The following LTBP1 variants were observed in gnomAD, a reference collection of about 807,000 sequenced individuals.
LTBP1 encodes latent-transforming growth factor beta-binding protein 1.
Under a neutral mutation model 207.6 loss-of-function variants are expected in LTBP1, and 129 were observed. The ratio of observed to expected loss-of-function variants is 0.62; its 90% CI spans 0.54 to 0.72. LTBP1 has a LOEUF of 0.72. Ranked by LOEUF, LTBP1 falls within the 30% of genes least tolerant of loss-of-function variation. LTBP1 has a pLI of 0.00. For synonymous variants in LTBP1, 963 were observed against 833.7 expected, an observed-to-expected ratio of 1.16 and a Z score of -2.67; for missense variants, 2,281 against 2,217.2, an observed-to-expected ratio of 1.03 and a Z score of -0.58.
At chr2:33,326,264 C>A (rs943683646) in intron 24 of LTBP1, among the ~76,000 whole-genome samples, 2 of 152,166 alleles carry the variant, frequency 1.3e-5, no homozygotes, top group African/African-American at 4.8e-5. Context: ...CTCTCAACTC[C>A]ACCCCGTTTC....
chr2:33,263,410 A>G lies in LTBP1; in HGVS notation c.2617+18A>G. ...AGTGACAGGTTGGTGCAGTATTTTT[A>G]CATTATATATCACATGGAGGAGACG... On this transcript the variant is annotated intron_variant, in intron 15 of 33. Coordinates refer to ENST00000404816, the MANE Select transcript of LTBP1 (RefSeq NM_206943.4). 6.4e-7 allele frequency: 1 copy of G among 1,573,698 alleles called. No homozygotes were observed.
chr2:33,306,076 G>C (rs775630105), intron 22 of LTBP1, among the ~76,000 whole-genome samples: 1 of 152,058 alleles, frequency 6.6e-6, no homozygotes, highest in Non-Finnish European at 1.5e-5. Context: ...TTGTGCTCTC[G>C]TAATGTTCAA....
At chr2:33,054,058 G>A (rs1242010504) in intron 3 of LTBP1, among the ~76,000 whole-genome samples, 2 of 152,194 alleles carry the variant, frequency 1.3e-5, no homozygotes, top group Non-Finnish European at 2.9e-5. Flanking sequence ...GAGTCAGAGT[G>A]CAGGACAATA....
chr2:33,248,624 C>T (rs1303955146), intron 10 of LTBP1, among the ~76,000 whole-genome samples: 1 of 147,600 alleles, frequency 6.8e-6, no homozygotes, highest in African/African-American at 2.5e-5. Context: ...TCTTGATCTG[C>T]TGCCCAGGCT....
At chr2:33,286,841 A>G in intron 19 of LTBP1, among the ~76,000 whole-genome samples, 1 of 152,190 alleles carries the variant, frequency 6.6e-6, no homozygotes. Context: ...ACAAAAAACC[A>G]AACACCGCAT....
At chr2:33,378,295 G>A (rs1034148051) in intron 31 of LTBP1, among the ~76,000 whole-genome samples, 1 of 151,190 alleles carries the variant, frequency 6.6e-6, no homozygotes, top group Admixed American at 6.6e-5. Context: ...GCACGATCTC[G>A]GCTCACTGAA....
Position 33,103,585 on chromosome 2 carries a change from ACG to A in LTBP1, c.864-6996_864-6995del, listed in dbSNP as rs1491410409. On this transcript the variant is annotated intron_variant, in intron 3 of 33. Coordinates refer to ENST00000404816, the MANE Select transcript of LTBP1 (RefSeq NM_206943.4). ...GGACCATAAATCCTTGTCTCCGTTT[ACG>A]TGTGTGTGTGTGTGTGTGTGTGTGT... Among the ~76,000 whole-genome samples, 206 of 77,276 alleles carry A rather than the reference ACG, an allele frequency of 2.7e-3. 3 individuals are homozygous for A. The South Asian group carries it at 0.06, about 23-fold the overall frequency. The allele number at this position is 77,276 out of a possible 152,430, so 50.7% of individuals were successfully genotyped here. A position where few individuals can be genotyped will look rare whatever the true frequency, so the allele number is the denominator to read the frequency against.
At chr2:32,975,621 T>TTTTTTTTTTTTTTTTTTTTG (rs1558461916) in intron 2 of LTBP1, among the ~76,000 whole-genome samples, 1 of 87,070 alleles carries the variant, frequency 1.1e-5, no homozygotes, top group African/African-American at 4.1e-5. Context: ...TTTTTTTTTT[T>TTTTTTTTTTTTTTTTTTTTG]GTCTGACTGG....
intron 2 of LTBP1, among the ~76,000 whole-genome samples, chr2:32,959,621 A>ATATATATATAT (rs1475834284): frequency 5.5e-5 from 2 of 36,668 alleles, no homozygotes; most frequent in Admixed American, 5.3e-4. Flanking sequence ...ATATATATAT[A>ATATATATATAT]TTTTTTTTTT....
chr2:33,257,595 A>G, intron 12 of LTBP1, 84 bp downstream of exon 12: 1 of 1,125,498 alleles, frequency 8.9e-7, no homozygotes. Context: ...CCTCTAGAAC[A>G]GAGTTTCTCA....
intron 11 of LTBP1, among the ~76,000 whole-genome samples, chr2:33,253,768 G>GT (rs2092748466): frequency 6.6e-6 from 1 of 151,498 alleles, no homozygotes; most frequent in South Asian, 2.1e-4. Context: ...AAAGAACTGT[G>GT]TTAAGGCAAA....
intron 7 of LTBP1, among the ~76,000 whole-genome samples, chr2:33,201,348 A>G (rs890802110): frequency 1.3e-5 from 2 of 152,270 alleles, no homozygotes; most frequent in African/African-American, 2.4e-5. Context: ...GAAATTGGAA[A>G]TCATCATTCT....
At chr2:33,145,973 T>G (rs1200593116) in intron 5 of LTBP1, among the ~76,000 whole-genome samples, 2 of 152,220 alleles carry the variant, frequency 1.3e-5, no homozygotes, top group East Asian at 3.8e-4. Context: ...GTCTATCATA[T>G]TTTGGACCAT....
intron 3 of LTBP1, among the ~76,000 whole-genome samples, chr2:33,085,661 A>T (rs558605342): frequency 6.6e-6 from 1 of 152,128 alleles, no homozygotes; most frequent in Non-Finnish European, 1.5e-5. Flanking sequence ...TGCAACACTG[A>T]GATTTAGAGT....
chr2:33,176,530 C>A (rs1184469978), intron 5 of LTBP1, among the ~76,000 whole-genome samples: 1 of 150,984 alleles, frequency 6.6e-6, no homozygotes, highest in Non-Finnish European at 1.5e-5. Context: ...TGGCTGACAA[C>A]ATGTTAATTT....
At chr2:33,398,161 A>C (rs553090732) in intron 33 of LTBP1, among the ~76,000 whole-genome samples, 1 of 152,336 alleles carries the variant, frequency 6.6e-6, no homozygotes, top group East Asian at 1.9e-4. Flanking sequence ...GCTAGATAAC[A>C]GTGAAAGAAG....
chr2:33,389,486 C>T (rs1385666599), intron 32 of LTBP1, among the ~76,000 whole-genome samples, 180 bp downstream of exon 32: 1 of 152,014 alleles, frequency 6.6e-6, no homozygotes, highest in Non-Finnish European at 1.5e-5. Context: ...AGTCCTTCTG[C>T]GTGGGTGAGT....
At chr2:33,390,963 C>G (rs987354656) in intron 32 of LTBP1, among the ~76,000 whole-genome samples, 8 of 152,210 alleles carry the variant, frequency 5.3e-5, no homozygotes, top group African/African-American at 1.7e-4. Context: ...AATTTAGGAT[C>G]TATTTCAGTT....
At chr2:33,115,072 A>G (rs1305322678) in intron 4 of LTBP1, among the ~76,000 whole-genome samples, 2 of 147,494 alleles carry the variant, frequency 1.4e-5, no homozygotes, top group East Asian at 4.0e-4. Context: ...ACACACACAC[A>G]CGTATACACA....
Sources: gnomAD v4.1 joint callset for allele counts (sites outside exome capture counted in the v4.1 genomes callset) on GRCh38, gnomAD v4.1.1 for gene constraint, MANE v1.5 for transcripts, NCBI Gene and HGNC (gene_info 2026-07-23, HGNC 2026-07-21) for gene names.